The following CBL variants were observed in gnomAD, a reference collection of about 807,000 sequenced individuals.
CBL encodes E3 ubiquitin-protein ligase CBL.
Under a neutral mutation model 96.9 loss-of-function variants are expected in CBL, and 45 were observed. That is an observed-to-expected ratio of 0.46 (90% confidence interval 0.37 to 0.60). CBL has a LOEUF of 0.60. Ranked by LOEUF, CBL falls within the 20% of genes least tolerant of loss-of-function variation. CBL has a pLI of 0.00. For missense variants in CBL, 1,024 were observed against 1,143.5 expected (o/e 0.90, Z 1.51); for synonymous variants, 420 against 426.8 (o/e 0.98, Z 0.20).
chr11:119,261,435 T>A (rs781290838), intron 2 of CBL, among the ~76,000 whole-genome samples: 6 of 152,354 alleles, frequency 3.9e-5, no homozygotes, highest in Middle Eastern at 3.4e-3. Context: ...TAACTAGATA[T>A]AGACTTTCTA....
At chr11:119,280,628 A>T (rs926893771) in intron 9 of CBL, among the ~76,000 whole-genome samples, 1 of 152,154 alleles carries the variant, frequency 6.6e-6, no homozygotes, top group East Asian at 1.9e-4. Flanking sequence ...ATTGCTAAAA[A>T]AAACTTACAA....
intron 1 of CBL, among the ~76,000 whole-genome samples, chr11:119,209,325 CAA>C (rs1405473267): frequency 1.3e-5 from 2 of 152,092 alleles, no homozygotes; most frequent in Non-Finnish European, 2.9e-5. Context: ...TTCTTTTTAA[CAA>C]AATTTCTGGG....
intron 12 of CBL, among the ~76,000 whole-genome samples, chr11:119,291,859 T>TC (rs1950029198): frequency 6.6e-6 from 1 of 152,216 alleles, no homozygotes; most frequent in African/African-American, 2.4e-5. Context: ...TCATAAGTTT[T>TC]CATACTTTTT....
intron 2 of CBL, among the ~76,000 whole-genome samples, chr11:119,249,881 T>A (rs879302637): frequency 6.6e-6 from 1 of 152,128 alleles, no homozygotes; most frequent in Non-Finnish European, 1.5e-5. Context: ...CTCAAACTCC[T>A]GGGCTCAAGT....
chr11:119,263,271 A>G (rs1949768419), intron 2 of CBL, among the ~76,000 whole-genome samples: 1 of 152,230 alleles, frequency 6.6e-6, no homozygotes, highest in Non-Finnish European at 1.5e-5. Flanking sequence ...GTATCAGGTC[A>G]GCAGTTTGAA....
At chr11:119,225,286 G>A (rs181917842) in intron 1 of CBL, among the ~76,000 whole-genome samples, 2 of 152,100 alleles carry the variant, frequency 1.3e-5, no homozygotes, top group East Asian at 1.9e-4. Context: ...TAGTAGAAAC[G>A]GGGTTTCATC....
intron 6 of CBL, among the ~76,000 whole-genome samples, chr11:119,276,820 T>G (rs966369110): frequency 6.6e-6 from 1 of 152,268 alleles, no homozygotes; most frequent in Non-Finnish European, 1.5e-5. Flanking sequence ...AGTTTGATGC[T>G]AGAAACTGTG....
chr11:119,305,178 A>G lies in CBL; in HGVS notation c.*5397A>G, dbSNP rs908146191. ...CACAGGAGTTTGTCTGGGACATCAT[A>G]GAAATTCTTAGGTTTAACTTAATTC... On this transcript the variant is annotated 3_prime_UTR_variant, in exon 16 of 16. Transcript: ENST00000264033. 6 of 226,968 alleles carry G rather than the reference A, an allele frequency of 2.6e-5. No individual in the cohort carries two copies. The highest frequency in any genetic ancestry group is 2.3e-4 in the Admixed American group (4 of 17,536). The allele number at this position is 226,968 out of a possible 1,614,324, so 14.1% of individuals were successfully genotyped here. A position where few individuals can be genotyped will look rare whatever the true frequency, so the allele number is the denominator to read the frequency against.
rs1286220217 is a variant in CBL at position 119,300,891 on chromosome 11, AC to A, written c.*1111del. 1 of 274,482 alleles carries A rather than the reference AC, an allele frequency of 3.6e-6. No homozygotes were observed. The highest frequency in any genetic ancestry group is 2.1e-5 in the African/African-American group (1 of 46,612). 17.0% of individuals were successfully genotyped at this position (274,482 alleles called of 1,614,324 possible). A position where few individuals can be genotyped will look rare whatever the true frequency, so the allele number is the denominator to read the frequency against. On this transcript the variant is annotated 3_prime_UTR_variant, in exon 16 of 16. Transcript: ENST00000264033. ...CATGCTATTTAAATGCACAAAATAGACAGTAAGGATTTATCTGTTCAGTTTT... is the reference window on the plus strand; with the variant it reads ...CATGCTATTTAAATGCACAAAATAGAAGTAAGGATTTATCTGTTCAGTTTT...
chr11:119,219,652 G>T (rs369326720), intron 1 of CBL, among the ~76,000 whole-genome samples: 1 of 150,744 alleles, frequency 6.6e-6, no homozygotes, highest in Non-Finnish European at 1.5e-5. Context: ...AAGTTGCATC[G>T]ATAACTCTGG....
intron 2 of CBL, among the ~76,000 whole-genome samples, chr11:119,247,577 G>A (rs1214727698): frequency 1.3e-5 from 2 of 152,184 alleles, no homozygotes; most frequent in African/African-American, 4.8e-5. Flanking sequence ...ATGGGAGGCC[G>A]AGGCAGACGG....
chr11:119,302,266 A>C lies in CBL; in HGVS notation c.*2485A>C, dbSNP rs536457074. 6.4e-5 allele frequency: 15 copies of C among 232,674 alleles called. No individual in the cohort carries two copies. Among genetic ancestry groups the C allele is most frequent in the Non-Finnish European group, 1.2e-4 (14 of 117,718 alleles). The allele number at this position is 232,674 out of a possible 1,614,324, so 14.4% of individuals were successfully genotyped here. On this transcript the variant is annotated 3_prime_UTR_variant, in exon 16 of 16. Coordinates refer to ENST00000264033, the MANE Select transcript of CBL (RefSeq NM_005188.4). ...TCCTTTGACTGGGTGCTGTGAGGAC[A>C]CACCTGGGTCTGTGCCTGAGATTGC...
At chr11:119,259,277 C>CTCTT (rs1290364738) in intron 2 of CBL, among the ~76,000 whole-genome samples, 1 of 152,060 alleles carries the variant, frequency 6.6e-6, no homozygotes, top group Non-Finnish European at 1.5e-5. Context: ...CCCTTTCTTT[C>CTCTT]TCTTGCCTAA....
chr11:119,233,509 C>T (rs1949520432), intron 2 of CBL, among the ~76,000 whole-genome samples: 1 of 152,204 alleles, frequency 6.6e-6, no homozygotes, highest in Non-Finnish European at 1.5e-5. Flanking sequence ...GCTGGGATTA[C>T]AGATGTGAGC....
chr11:119,209,789 A>G (rs1232898542), intron 1 of CBL, among the ~76,000 whole-genome samples: 1 of 152,204 alleles, frequency 6.6e-6, no homozygotes, highest in African/African-American at 2.4e-5. Flanking sequence ...TCCTTCCCCC[A>G]ATATTGGATA....
intron 1 of CBL, among the ~76,000 whole-genome samples, chr11:119,210,859 A>G (rs1949311289): frequency 6.6e-6 from 1 of 152,082 alleles, no homozygotes; most frequent in Admixed American, 6.6e-5. Context: ...GTAATCCTCC[A>G]TTATTCTAGG....
intron 2 of CBL, among the ~76,000 whole-genome samples, chr11:119,241,212 C>T (rs1171621398): frequency 6.6e-6 from 1 of 152,080 alleles, no homozygotes; most frequent in African/African-American, 2.4e-5. Flanking sequence ...TTTTCTTAGA[C>T]TTTATAAAAA....
At chr11:119,268,716 T>C (rs1187294679) in intron 2 of CBL, among the ~76,000 whole-genome samples, 2 of 151,960 alleles carry the variant, frequency 1.3e-5, no homozygotes, top group Non-Finnish European at 2.9e-5. Flanking sequence ...CTTAAGACGA[T>C]GGGGGAGAAA....
intron 1 of CBL, among the ~76,000 whole-genome samples, chr11:119,221,100 C>T (rs576878932): frequency 3.2e-4 from 48 of 151,960 alleles, no homozygotes; most frequent in South Asian, 1.0e-3. Context: ...AAAAATTAGC[C>T]GGGCGTGGTA....
Sources: allele counts gnomAD v4.1 joint callset (sites outside exome capture counted in the v4.1 genomes callset), GRCh38; gene constraint gnomAD v4.1.1; transcripts MANE v1.5; gene names NCBI Gene and HGNC (gene_info 2026-07-23, HGNC 2026-07-21).